Variants in DRICH1 observed in about 807,000 individuals in gnomAD.
DRICH1 encodes aspartate rich 1.
In DRICH1, 38 loss-of-function variants were observed where a neutral mutation model predicts 39.5. That is an observed-to-expected ratio of 0.96 (90% CI 0.74 to 1.26). The LOEUF is 1.26. Among genes scored for constraint, DRICH1 ranks in the 50% most tolerant of loss-of-function variants. DRICH1 has a pLI of 0.00. For synonymous variants in DRICH1, 84 were observed against 99.5 expected, an observed-to-expected ratio of 0.84 and a Z score of 0.93; for missense variants, 279 against 270.4, an observed-to-expected ratio of 1.03 and a Z score of -0.22.
downstream of DRICH1, among the ~76,000 whole-genome samples, chr22:23,606,397 T>C (rs542600311): frequency 1.3e-5 from 2 of 152,272 alleles, no homozygotes; most frequent in South Asian, 2.1e-4. Context: ...AGCTGTGCCA[T>C]GTGATGCCCC....
In DRICH1 at chr22:23,608,773, A is replaced by T; in HGVS notation, c.686-5T>A. ...GCTCCACAGAAGGGCTTCACCCTGG[A>T]TGAAGAGATAATCCCTTTTTAGTGA... On this transcript the variant is annotated splice_polypyrimidine_tract_variant and splice_region_variant and intron_variant, in intron 11 of 11. Coordinates refer to ENST00000317749, the MANE Select transcript of DRICH1 (RefSeq NM_016449.4). 3 of 1,560,412 alleles carry T rather than the reference A, an allele frequency of 1.9e-6. No homozygotes were observed. The highest frequency in any genetic ancestry group is 2.6e-6 in the Non-Finnish European group (3 of 1,150,792).
chr22:23,626,359 T>A (rs1200105399), intron 1 of DRICH1, among the ~76,000 whole-genome samples: 1 of 152,164 alleles, frequency 6.6e-6, no homozygotes, highest in Non-Finnish European at 1.5e-5. Context: ...TCATTAAATA[T>A]CAGAGCAAGA....
intron 2 of DRICH1, 131 bp from the exon 3 acceptor site, chr22:23,625,035 A>T: frequency 9.6e-7 from 1 of 1,043,422 alleles, no homozygotes; most frequent in South Asian, 1.5e-5. Context: ...TGTCAAAGAC[A>T]AAACACTTTA....
intron 5 of DRICH1, among the ~76,000 whole-genome samples, chr22:23,619,872 A>G (rs1602341554): frequency 6.6e-6 from 1 of 152,302 alleles, no homozygotes; most frequent in African/African-American, 2.4e-5. Flanking sequence ...ATGTGCTGCC[A>G]TGAAACCTAA....
chr22:23,581,148 A>G, the DRICH1 span: 1 of 152,258 alleles, frequency 6.6e-6, no homozygotes, highest in Non-Finnish European at 1.5e-5. Context: ...TATACAATAC[A>G]GTTTTTAACT....
At chr22:23,620,726 G>A in intron 4 of DRICH1, 111 bp from the exon 5 acceptor site, 1 of 1,291,380 alleles carries the variant, frequency 7.7e-7, no homozygotes, top group Non-Finnish European at 1.1e-6. Context: ...TGAAACTGTT[G>A]TTGAGTCAAG....
At chr22:23,583,876 T>A in the DRICH1 span, 4 of 152,546 alleles carry the variant, frequency 2.6e-5, no homozygotes, top group African/African-American at 9.6e-5. Context: ...AGCACCCCCC[T>A]TGAGTGTGAC....
chr22:23,596,786 G>A, the DRICH1 span, among the ~76,000 whole-genome samples: 1 of 152,162 alleles, frequency 6.6e-6, no homozygotes, highest in African/African-American at 2.4e-5. Context: ...TCTAATACAT[G>A]GTATATTCCA....
intron 2 of DRICH1, 114 bp downstream of exon 2, chr22:23,625,867 T>C: frequency 3.7e-6 from 3 of 803,798 alleles, no homozygotes; most frequent in South Asian, 3.2e-5. Context: ...TTAAAAGTCT[T>C]ACTTTTGCTG....
At chr22:23,609,621 C>T (rs1352039365) in intron 11 of DRICH1, among the ~76,000 whole-genome samples, 1 of 152,072 alleles carries the variant, frequency 6.6e-6, no homozygotes, top group Non-Finnish European at 1.5e-5. Flanking sequence ...TCTGACTTTC[C>T]CTGGCAGGAC....
intron 10 of DRICH1, 65 bp downstream of exon 10, chr22:23,613,574 G>T: frequency 1.5e-6 from 2 of 1,290,578 alleles, no homozygotes; most frequent in Non-Finnish European, 2.3e-6. Context: ...CCCAGAATCA[G>T]GTTTCTATAC....
At chr22:23,627,806 G>A (rs1368804639) in intron 1 of DRICH1, among the ~76,000 whole-genome samples, 1 of 152,170 alleles carries the variant, frequency 6.6e-6, no homozygotes, top group African/African-American at 2.4e-5. Context: ...CAGGATTGGT[G>A]TAGGGCTCAA....
downstream of DRICH1, among the ~76,000 whole-genome samples, chr22:23,607,467 T>C (rs1450534120): frequency 2.0e-5 from 3 of 150,902 alleles, no homozygotes; most frequent in African/African-American, 7.4e-5. Flanking sequence ...ACCCTCATTG[T>C]GAGGATGGGC....
At chr22:23,595,091 G>A in the DRICH1 span, among the ~76,000 whole-genome samples, 6 of 147,820 alleles carry the variant, frequency 4.1e-5, no homozygotes, top group African/African-American at 1.2e-4. Context: ...CCGTGTGCCC[G>A]GCCCTGTCCT....
chr22:23,615,708 TAAAAC>T (rs1739928997), intron 8 of DRICH1, among the ~76,000 whole-genome samples: 1 of 152,198 alleles, frequency 6.6e-6, no homozygotes, highest in Non-Finnish European at 1.5e-5. Flanking sequence ...ATGATGATGT[TAAAAC>T]AATAGTGTTA....
At chr22:23,584,746 G>C in the DRICH1 span, among the ~76,000 whole-genome samples, 1 of 152,156 alleles carries the variant, frequency 6.6e-6, no homozygotes, top group African/African-American at 2.4e-5. Context: ...GCATTATTTT[G>C]TGGGTGGGAT....
At chr22:23,610,400 T>G (rs956863582) in intron 11 of DRICH1, 1 of 152,214 alleles carries the variant, frequency 6.6e-6, no homozygotes, top group African/African-American at 2.4e-5. Context: ...GTAAGACCAG[T>G]GAGGGAAACT....
chr22:23,621,913 A>AAAAAC (rs1223551615), intron 4 of DRICH1, among the ~76,000 whole-genome samples, 178 bp downstream of exon 4: 1 of 152,182 alleles, frequency 6.6e-6, no homozygotes. Flanking sequence ...AAACAAAAAC[A>AAAAAC]AAAACAAAAC....
chr22:23,617,460 TCA>T, intron 7 of DRICH1, 113 bp downstream of exon 7: 1 of 1,211,152 alleles, frequency 8.3e-7, no homozygotes, highest in Non-Finnish European at 1.2e-6. Flanking sequence ...CTGGGAAATC[TCA>T]CTTTTACTGT....
Sources: allele counts gnomAD v4.1 joint callset (sites outside exome capture counted in the v4.1 genomes callset), GRCh38; gene constraint gnomAD v4.1.1; transcripts MANE v1.5; gene names NCBI Gene and HGNC (gene_info 2026-07-23, HGNC 2026-07-21).